The following SYT16 variants were observed in gnomAD, a reference collection of about 807,000 sequenced individuals.
SYT16 encodes synaptotagmin 16.
SYT16 carries 42 observed loss-of-function variants against 61.4 expected under a neutral mutation model. That is an observed-to-expected ratio of 0.68 (90% CI 0.53 to 0.89). SYT16 has a LOEUF of 0.89. Among genes scored for constraint, SYT16 ranks in the 40% least tolerant of loss-of-function variants. SYT16 has a pLI of 0.00. For missense variants in SYT16, 804 were observed against 807.3 expected (o/e 1.00, Z 0.05); for synonymous variants, 314 against 302.3 (o/e 1.04, Z -0.40).
rs189755761 is a variant in SYT16, at chr14:61,939,116, C to T, written c.-324-31016C>T. Among the ~76,000 whole-genome samples, 5 of 152,274 alleles carry T rather than the reference C, an allele frequency of 3.3e-5. No homozygotes were observed. In the East Asian group the frequency reaches 9.6e-4, roughly 29 times the overall value. ...TGCCACTGCACTCCAGCCTGGGCAA[C>T]AGAGTGAGACTTGGTCTCAAATAAA... On this transcript the variant is annotated intron_variant, in intron 1 of 7. Coordinates refer to ENST00000683842, the MANE Select transcript of SYT16 (RefSeq NM_001367656.1).
At chr14:61,979,369 T>C (rs2051957873) in intron 2 of SYT16, among the ~76,000 whole-genome samples, 1 of 152,156 alleles carries the variant, frequency 6.6e-6, no homozygotes, top group Non-Finnish European at 1.5e-5. Context: ...TAATGTAAAA[T>C]CAGCATAATC....
intron 3 of SYT16, among the ~76,000 whole-genome samples, chr14:62,020,467 A>G (rs941577833): frequency 6.6e-6 from 1 of 152,138 alleles, no homozygotes; most frequent in Non-Finnish European, 1.5e-5. Flanking sequence ...TCCTAAAGTT[A>G]CCCATACATT....
At chr14:61,890,252 C>T (rs1209405688) in intron 1 of SYT16, among the ~76,000 whole-genome samples, 3 of 152,132 alleles carry the variant, frequency 2.0e-5, no homozygotes, top group African/African-American at 2.4e-5. Flanking sequence ...GGAGGACTGC[C>T]ACCCTGGACA....
intron 1 of SYT16, among the ~76,000 whole-genome samples, chr14:61,865,667 C>T (rs2047125799): frequency 6.6e-6 from 1 of 152,184 alleles, no homozygotes; most frequent in Non-Finnish European, 1.5e-5. Flanking sequence ...TCTGTGAATA[C>T]ATGGACTCCT....
chr14:61,839,663 G>A (rs953102627), intron 1 of SYT16, among the ~76,000 whole-genome samples: 1 of 152,184 alleles, frequency 6.6e-6, no homozygotes, highest in Non-Finnish European at 1.5e-5. Context: ...CTGAGGAAAT[G>A]AGTAAATGTG....
At chr14:61,862,542 C>T (rs1482904749) in intron 1 of SYT16, among the ~76,000 whole-genome samples, 1 of 152,136 alleles carries the variant, frequency 6.6e-6, no homozygotes, top group Non-Finnish European at 1.5e-5. Flanking sequence ...CCATGCCCTG[C>T]CCCTACACAT....
At chr14:62,046,780 G>T (rs574012694) in intron 3 of SYT16, among the ~76,000 whole-genome samples, 13 of 152,100 alleles carry the variant, frequency 8.5e-5, no homozygotes, top group East Asian at 7.7e-4. Flanking sequence ...GTGGCATTAT[G>T]TCTGAGGGCT....
intron 7 of SYT16, among the ~76,000 whole-genome samples, chr14:62,096,790 C>T (rs1297874790): frequency 2.6e-5 from 4 of 152,100 alleles, no homozygotes; most frequent in Admixed American, 1.3e-4. Context: ...ACTAAAGGAT[C>T]TTCAGTTGCA....
chr14:61,998,815 A>C (rs2140641903), intron 3 of SYT16, among the ~76,000 whole-genome samples: 1 of 151,936 alleles, frequency 6.6e-6, no homozygotes, highest in African/African-American at 2.4e-5. Flanking sequence ...GATGCTCTTT[A>C]TTATGGTGAA....
chr14:62,008,194 G>A (rs566805132), intron 3 of SYT16, among the ~76,000 whole-genome samples: 5 of 150,770 alleles, frequency 3.3e-5, no homozygotes, highest in East Asian at 1.9e-4. Context: ...TTCTTTCTTC[G>A]CTGGTACCCT....
intron 3 of SYT16, among the ~76,000 whole-genome samples, chr14:62,024,161 G>A (rs965148746): frequency 6.6e-6 from 1 of 152,018 alleles, no homozygotes; most frequent in Admixed American, 6.6e-5. Context: ...GAAAAATTTT[G>A]TATATAATAT....
At chr14:61,951,588 T>C (rs1851745842) in intron 1 of SYT16, among the ~76,000 whole-genome samples, 1 of 151,972 alleles carries the variant, frequency 6.6e-6, no homozygotes, top group Admixed American at 6.6e-5. Flanking sequence ...TCTTCCAAGA[T>C]TTTTTTTATC....
intron 3 of SYT16, among the ~76,000 whole-genome samples, chr14:62,019,318 T>C (rs965545083): frequency 6.6e-5 from 10 of 152,212 alleles, no homozygotes; most frequent in Non-Finnish European, 7.3e-5. Context: ...ATATTTGATA[T>C]GTTTTTTTCA....
intron 2 of SYT16, among the ~76,000 whole-genome samples, chr14:61,993,252 G>A (rs1485953061): frequency 6.6e-6 from 1 of 151,628 alleles, no homozygotes; most frequent in African/African-American, 2.4e-5. Context: ...ATCACACACC[G>A]GGGCCTGTGG....
chr14:61,903,194 T>G (rs1255716676), intron 1 of SYT16, among the ~76,000 whole-genome samples: 2 of 152,150 alleles, frequency 1.3e-5, no homozygotes, highest in African/African-American at 4.8e-5. Flanking sequence ...TCACTACTAG[T>G]ATTTGCGATG....
rs2057595913 is a variant in SYT16, at chr14:62,110,822, A to G, written c.*10115A>G. 1 of 152,018 alleles carries G rather than the reference A, an allele frequency of 6.6e-6. No individual in the cohort carries two copies. Among genetic ancestry groups the G allele is most frequent in the Non-Finnish European group, 1.5e-5 (1 of 67,944 alleles). 9.4% of individuals were successfully genotyped at this position (152,018 alleles called of 1,614,324 possible). A position where few individuals can be genotyped will look rare whatever the true frequency, so the allele number is the denominator to read the frequency against. On this transcript the variant is annotated 3_prime_UTR_variant, in exon 8 of 8. Transcript: ENST00000683842. Reference sequence around the variant, plus strand: ...ATGGAATAGCTTTTCCTCCCCTACAAAGTGGATTTGAATACAGTCCTTAGA... The same window carrying G: ...ATGGAATAGCTTTTCCTCCCCTACAGAGTGGATTTGAATACAGTCCTTAGA...
At chr14:61,905,489 C>T (rs2048669119) in intron 1 of SYT16, among the ~76,000 whole-genome samples, 1 of 152,218 alleles carries the variant, frequency 6.6e-6, no homozygotes. Flanking sequence ...GATCTTCTTG[C>T]ATCTGGGACC....
At chr14:62,036,440 A>G (rs1595218892) in intron 3 of SYT16, among the ~76,000 whole-genome samples, 1 of 152,124 alleles carries the variant, frequency 6.6e-6, no homozygotes, top group Non-Finnish European at 1.5e-5. Context: ...CCTGCTGGCC[A>G]TCAGTATGGA....
At chr14:62,052,879 A>G (rs1332334130) in intron 3 of SYT16, among the ~76,000 whole-genome samples, 3 of 152,232 alleles carry the variant, frequency 2.0e-5, no homozygotes, top group East Asian at 1.9e-4. Context: ...CTCAAGAACT[A>G]TAAGAAATAA....
Sources: gnomAD v4.1 joint callset for allele counts (sites outside exome capture counted in the v4.1 genomes callset) on GRCh38, gnomAD v4.1.1 for gene constraint, MANE v1.5 for transcripts, NCBI Gene and HGNC (gene_info 2026-07-23, HGNC 2026-07-21) for gene names.